The following KCNQ5 variants were observed in gnomAD, a reference collection of about 807,000 sequenced individuals.
KCNQ5 encodes the protein potassium voltage-gated channel subfamily KQT member 5.
A neutral mutation model predicts 98.2 loss-of-function variants in KCNQ5; 30 were observed. The ratio of observed to expected loss-of-function variants is 0.31; its 90% confidence interval spans 0.23 to 0.41. KCNQ5 has a LOEUF of 0.41. Among genes scored for constraint, KCNQ5 ranks in the 10% least tolerant of loss-of-function variants. The pLI is 1.00. For synonymous variants in KCNQ5, 458 were observed against 449.4 expected (o/e 1.02, Z -0.24); for missense variants, 835 against 1,182.5 (o/e 0.71, Z 4.31).
chr6:73,163,858 G>A (rs112557665), intron 10 of KCNQ5, among the ~76,000 whole-genome samples: 7 of 13,000 alleles, frequency 5.4e-4, no homozygotes, highest in African/African-American at 4.5e-3. Context: ...ATATTTGCTC[G>A]TTTTTTTAAC....
intron 10 of KCNQ5, 91 bp from the exon 11 acceptor site, chr6:73,169,655 A>T: frequency 2.3e-6 from 2 of 867,290 alleles, no homozygotes; most frequent in Non-Finnish European, 3.9e-6. Context: ...TTACTCTGTG[A>T]GTATCCCGCC....
At chr6:72,748,890 A>C (rs1321320921) in intron 1 of KCNQ5, among the ~76,000 whole-genome samples, 3 of 152,164 alleles carry the variant, frequency 2.0e-5, no homozygotes, top group Non-Finnish European at 4.4e-5. Flanking sequence ...TTTTTCCTGC[A>C]CTGGCTCTGA....
chr6:73,170,312 G>A (rs992542553), intron 11 of KCNQ5, among the ~76,000 whole-genome samples: 2 of 152,034 alleles, frequency 1.3e-5, no homozygotes, highest in Non-Finnish European at 2.9e-5. Flanking sequence ...CTTATTATCT[G>A]AAATGTAATT....
intron 1 of KCNQ5, among the ~76,000 whole-genome samples, chr6:72,830,682 T>C (rs12207421): frequency 0.52 from 79,466 of 151,952 alleles, 21,699 homozygotes; most frequent in African/African-American, 0.68. Context: ...TGGGCAAGGA[T>C]CTCATGTCTA....
At chr6:72,746,264 A>T (rs1032955960) in intron 1 of KCNQ5, among the ~76,000 whole-genome samples, 6 of 152,094 alleles carry the variant, frequency 3.9e-5, no homozygotes, top group Non-Finnish European at 7.4e-5. Context: ...TATGCCAGTT[A>T]CTAATTTCAT....
chr6:72,997,494 G>T (rs868336394), intron 1 of KCNQ5, among the ~76,000 whole-genome samples: 2 of 151,950 alleles, frequency 1.3e-5, no homozygotes, highest in African/African-American at 4.8e-5. Flanking sequence ...AAACTTCACA[G>T]GCCGGGCACA....
At chr6:73,085,200 A>T (rs537032822) in intron 5 of KCNQ5, among the ~76,000 whole-genome samples, 1 of 152,298 alleles carries the variant, frequency 6.6e-6, no homozygotes, top group South Asian at 2.1e-4. Flanking sequence ...TACCTGGAAA[A>T]AATTAACATC....
intron 5 of KCNQ5, among the ~76,000 whole-genome samples, chr6:73,087,929 T>TTC (rs1016523211): frequency 4.5e-4 from 69 of 152,206 alleles, no homozygotes; most frequent in African/African-American, 1.6e-3. Context: ...AGCAACCACT[T>TTC]TCTCAGTGAT....
At chr6:72,890,701 T>G (rs1000039100) in intron 1 of KCNQ5, among the ~76,000 whole-genome samples, 2 of 152,174 alleles carry the variant, frequency 1.3e-5, no homozygotes, top group African/African-American at 4.8e-5. Flanking sequence ...AATTATCAGA[T>G]AAAAACCTTT....
chr6:72,742,639 C>A lies in KCNQ5; in HGVS notation c.398+120052C>A, dbSNP rs145295133. Among the ~76,000 whole-genome samples the A allele has an allele frequency of 3.1e-3, 469 of 152,244 alleles. 3 individuals carry two copies. Among genetic ancestry groups the A allele is most frequent in the African/African-American group, 0.011 (446 of 41,536 alleles). ...CTATTAATACTCTTTATATAAAATG[C>A]AATAACGGTTGCACCTGACCTCAAT... is the stretch of plus-strand genomic sequence containing the variant. On this transcript the variant is annotated intron_variant, in intron 1 of 13. Transcript: ENST00000370398.
At chr6:72,966,181 T>C (rs6903848) in intron 1 of KCNQ5, among the ~76,000 whole-genome samples, 13,644 of 152,272 alleles carry the variant, frequency 0.09, 1,181 homozygotes, top group African/African-American at 0.23. Context: ...CTTTGTTATT[T>C]ATTAGTTTAG....
intron 5 of KCNQ5, among the ~76,000 whole-genome samples, chr6:73,089,434 T>C (rs1327293100): frequency 6.6e-6 from 1 of 152,194 alleles, no homozygotes. Context: ...CTGTAAATTA[T>C]TGGGGAACAG....
At chr6:72,766,145 GA>G (rs1434073315) in intron 1 of KCNQ5, among the ~76,000 whole-genome samples, 1 of 151,980 alleles carries the variant, frequency 6.6e-6, no homozygotes, top group Admixed American at 6.6e-5. Context: ...TGAAGAGAGG[GA>G]GCAAGCATTG....
At chr6:73,012,170 G>A (rs1437555973) in intron 2 of KCNQ5, among the ~76,000 whole-genome samples, 2 of 152,102 alleles carry the variant, frequency 1.3e-5, no homozygotes, top group East Asian at 1.9e-4. Context: ...GTACACCCAT[G>A]TTCATAGCAG....
intron 5 of KCNQ5, among the ~76,000 whole-genome samples, chr6:73,079,072 C>T (rs910511206): frequency 2.0e-5 from 3 of 152,084 alleles, no homozygotes; most frequent in Admixed American, 6.6e-5. Context: ...GAGGCTAAGG[C>T]GGGCCAGTTG....
intron 1 of KCNQ5, among the ~76,000 whole-genome samples, chr6:72,967,994 T>G (rs1767700661): frequency 6.6e-6 from 1 of 152,196 alleles, no homozygotes; most frequent in Non-Finnish European, 1.5e-5. Flanking sequence ...CCTCACTGTC[T>G]CTTCCTCATT....
intron 1 of KCNQ5, among the ~76,000 whole-genome samples, chr6:72,695,116 G>C (rs921820233): frequency 2.6e-5 from 4 of 152,120 alleles, no homozygotes; most frequent in African/African-American, 7.2e-5. Flanking sequence ...GTCCACCAAT[G>C]ATGGGCACCT....
chr6:72,859,288 C>T (rs1777661556), intron 1 of KCNQ5, among the ~76,000 whole-genome samples: 1 of 151,998 alleles, frequency 6.6e-6, no homozygotes. Flanking sequence ...GAAAAAATTC[C>T]AGTCAATGGC....
At chr6:72,916,169 G>C (rs1780128128) in intron 1 of KCNQ5, among the ~76,000 whole-genome samples, 1 of 152,098 alleles carries the variant, frequency 6.6e-6, no homozygotes, top group Non-Finnish European at 1.5e-5. Context: ...GGAAACATTG[G>C]TAGTTTCTAT....
Sources: gnomAD v4.1 joint callset for allele counts (sites outside exome capture counted in the v4.1 genomes callset) on GRCh38, gnomAD v4.1.1 for gene constraint, MANE v1.5 for transcripts, NCBI Gene and HGNC (gene_info 2026-07-23, HGNC 2026-07-21) for gene names.